Variants in SYNM observed in about 807,000 individuals in gnomAD.
SYNM encodes synemin, also known as desmuslin.
A neutral mutation model predicts 104.0 loss-of-function variants in SYNM; 95 were observed. The ratio of observed to expected loss-of-function variants is 0.91; its 90% CI spans 0.77 to 1.08. SYNM has a LOEUF of 1.08. SYNM is among the 50% of genes least tolerant of loss of function. The pLI is 0.00. For missense variants in SYNM, 2,150 were observed against 2,052.2 expected (o/e 1.05, Z -0.92); for synonymous variants, 918 against 869.0 (o/e 1.06, Z -0.99).
chr15:99,126,093 A>T (rs925164143), intron 2 of SYNM, among the ~76,000 whole-genome samples: 1 of 152,186 alleles, frequency 6.6e-6, no homozygotes, highest in Non-Finnish European at 1.5e-5. Context: ...TGGGGGTGGC[A>T]TGGGGAGGGG....
At position 99,130,421 on chromosome 15, in the gene SYNM, T is replaced by C; in HGVS notation, c.2061T>C (p.Val687=). The change falls in exon 4 of 4, where the codon GTT becomes GTC. Residue 687 remains valine, a synonymous_variant. Transcript: ENST00000336292. ...AAAGGAAAACAAAGACTGAAATAGT[T>C]GTGGAGTCTAAACTGACTGAGGATG... The part of the protein sequence containing the change: ...PGERKTKTEI[V]VESKLTEDVD... The C allele has an allele frequency of 6.2e-7, 1 of 1,613,820 alleles. No individual in the cohort carries two copies. The highest frequency in any genetic ancestry group is 8.5e-7 in the Non-Finnish European group (1 of 1,179,874).
Position 99,132,157 on chromosome 15 carries a change from A to C in SYNM, c.3797A>C (p.Gln1266Pro). ...ACCCAGACTTCTGTCAGGCAACTCC[A>C]GTTAGGCCCTAAAGAAGGGTTCAGT... ...VGTQTSVRQL[Q>P]LGPKEGFSGQ... Residue 1266 changes from glutamine to proline, a missense_variant, in exon 4 of 4, where the codon CAG becomes CCG. Transcript: ENST00000336292. 1 of 1,613,976 alleles carries C rather than the reference A, an allele frequency of 6.2e-7. No individual in the cohort carries two copies. Among genetic ancestry groups the C allele is most frequent in the Non-Finnish European group, 8.5e-7 (1 of 1,179,840 alleles).
intron 2 of SYNM, among the ~76,000 whole-genome samples, chr15:99,119,263 C>T (rs1219817345): frequency 6.6e-6 from 1 of 152,288 alleles, no homozygotes; most frequent in Non-Finnish European, 1.5e-5. Flanking sequence ...GGAGAATCCC[C>T]GGTCCAGGGC....
chr15:99,111,393 C>A (rs1342813730), intron 1 of SYNM, among the ~76,000 whole-genome samples: 1 of 152,142 alleles, frequency 6.6e-6, no homozygotes, highest in Non-Finnish European at 1.5e-5. Flanking sequence ...GAACCTTGTA[C>A]CTGAATTGTA....
At chr15:99,120,170 G>T (rs782151748) in intron 2 of SYNM, among the ~76,000 whole-genome samples, 6 of 152,168 alleles carry the variant, frequency 3.9e-5, no homozygotes, top group Non-Finnish European at 7.3e-5. Flanking sequence ...TTCACCCAAG[G>T]CTGTTCCCTC....
intron 2 of SYNM, among the ~76,000 whole-genome samples, chr15:99,117,386 G>C (rs2067359458): frequency 6.6e-6 from 1 of 152,192 alleles, no homozygotes; most frequent in East Asian, 1.9e-4. Flanking sequence ...GGGCTCTAGA[G>C]CTTTGGGTTG....
rs1321734921 is a variant in SYNM at position 99,134,033 on chromosome 15, T to G, written c.*975T>G. 1 of 152,220 alleles carries G rather than the reference T, an allele frequency of 6.6e-6. No homozygotes were observed. The highest frequency in any genetic ancestry group is 2.4e-5 in the African/African-American group (1 of 41,456). 9.4% of individuals were successfully genotyped at this position (152,220 alleles called of 1,614,324 possible). A position where few individuals can be genotyped will look rare whatever the true frequency, so the allele number is the denominator to read the frequency against. ...GGAAAATTGGAAGCACACAGTGGAC[T>G]GTGCCTCTTAAAGATGCCTTTCCCA... On this transcript the variant is annotated 3_prime_UTR_variant, in exon 4 of 4. Transcript: ENST00000336292.
chr15:99,117,955 G>T (rs951494093), intron 2 of SYNM, among the ~76,000 whole-genome samples: 1 of 152,188 alleles, frequency 6.6e-6, no homozygotes, highest in African/African-American at 2.4e-5. Flanking sequence ...GGAGCTACTC[G>T]TGCTTTCAGG....
downstream of SYNM, chr15:99,137,906 CTG>C: frequency 1.3e-6 from 2 of 1,545,018 alleles, no homozygotes; most frequent in South Asian, 1.2e-5. Context: ...CCTTGGAAAT[CTG>C]TATCCTGACT....
At chr15:99,117,902 C>T (rs1555484120) in intron 2 of SYNM, among the ~76,000 whole-genome samples, 1 of 152,212 alleles carries the variant, frequency 6.6e-6, no homozygotes, top group Admixed American at 6.5e-5. Context: ...TGGCGTTTCC[C>T]TAACCCGATT....
chr15:99,106,986 C>T (rs1019244519), intron 1 of SYNM, among the ~76,000 whole-genome samples: 12 of 152,198 alleles, frequency 7.9e-5, no homozygotes, highest in African/African-American at 2.9e-4. Flanking sequence ...TGGGGGTTGT[C>T]ATATGGAATG....
chr15:99,127,633 G>C (rs1430759822), intron 3 of SYNM, among the ~76,000 whole-genome samples: 1 of 152,134 alleles, frequency 6.6e-6, no homozygotes, highest in Non-Finnish European at 1.5e-5. Context: ...GAAGGGATCT[G>C]GTCTTAGACA....
intron 1 of SYNM, among the ~76,000 whole-genome samples, chr15:99,110,946 T>C (rs1435570453): frequency 3.9e-5 from 6 of 152,244 alleles, no homozygotes; most frequent in Non-Finnish European, 5.9e-5. Context: ...CAGGATTTGT[T>C]GTGATTTCTG....
chr15:99,139,684 C>T, downstream of SYNM: 6 of 1,390,870 alleles, frequency 4.3e-6, no homozygotes, highest in Non-Finnish European at 5.7e-6. Flanking sequence ...AGGCAAGAAC[C>T]TTGGTACTGA....
At chr15:99,117,253 G>A (rs1860092318) in intron 2 of SYNM, among the ~76,000 whole-genome samples, 1 of 152,200 alleles carries the variant, frequency 6.6e-6, no homozygotes, top group African/African-American at 2.4e-5. Flanking sequence ...GTGGCTGGGT[G>A]GGGCCCGAAC....
At chr15:99,139,163 C>T (rs782818160), downstream of SYNM, 8 of 882,956 alleles carry the variant, frequency 9.1e-6, no homozygotes, top group Middle Eastern at 2.1e-4. Context: ...TTTTACAACT[C>T]GGGTTTCAAA....
downstream of SYNM, chr15:99,139,651 A>C: frequency 1.4e-6 from 2 of 1,465,582 alleles, no homozygotes; most frequent in Middle Eastern, 3.6e-4. Flanking sequence ...AAATAGATTT[A>C]AAAGTAGTAT....
chr15:99,137,666 T>A (rs966209134), downstream of SYNM: 4 of 252,586 alleles, frequency 1.6e-5, no homozygotes, highest in Non-Finnish European at 3.1e-5. Context: ...AGGAGCTGTG[T>A]GTACAAGCAG....
chr15:99,132,895 G>T lies in SYNM; in HGVS notation c.4535G>T (p.Gly1512Val), dbSNP rs144209117. ...AGCTTTAAGGCCTCTGCTGGGGAAGGAGACCAGGCCCACAGAGAACAGGGC... is the reference window on the plus strand; with the variant it reads ...AGCTTTAAGGCCTCTGCTGGGGAAGTAGACCAGGCCCACAGAGAACAGGGC... ...GVSFKASAGEGDQAHREQGKE... is the reference protein window; with the variant it reads ...GVSFKASAGEVDQAHREQGKE... Residue 1512 changes from glycine (G) to valine (V), a missense_variant, in exon 4 of 4, where the codon GGA becomes GTA. Coordinates refer to ENST00000336292, the MANE Select transcript of SYNM (RefSeq NM_145728.3). 6.2e-7 allele frequency: 1 copy of T among 1,613,922 alleles called. No homozygotes were observed. The highest frequency in any genetic ancestry group is 8.5e-7 in the Non-Finnish European group (1 of 1,179,874).
Sources: allele counts gnomAD v4.1 joint callset (sites outside exome capture counted in the v4.1 genomes callset), GRCh38; gene constraint gnomAD v4.1.1; transcripts MANE v1.5; gene names NCBI Gene and HGNC (gene_info 2026-07-23, HGNC 2026-07-21).